The following PIGN variants were observed in gnomAD, a reference collection of about 807,000 sequenced individuals.
PIGN encodes GPI ethanolamine phosphate transferase 1.
Under a neutral mutation model 125.4 loss-of-function variants are expected in PIGN, and 117 were observed. The ratio of observed to expected loss-of-function variants is 0.93; its 90% confidence interval spans 0.80 to 1.09. The LOEUF (loss-of-function observed/expected upper bound fraction) is 1.09. Ranked by LOEUF, PIGN falls within the 50% of genes least tolerant of loss-of-function variation. PIGN has a pLI of 0.00. For missense variants in PIGN, 1,075 were observed against 1,094.9 expected (o/e 0.98, Z 0.26); for synonymous variants, 392 against 377.8 (o/e 1.04, Z -0.44).
intron 1 of PIGN, among the ~76,000 whole-genome samples, chr18:62,180,630 T>G (rs865822473): frequency 1.6e-4 from 25 of 152,294 alleles, no homozygotes; most frequent in African/African-American, 5.1e-4. Flanking sequence ...ATTGGCCAAT[T>G]GGGTCTCTCT....
Position 62,168,254 on chromosome 18 carries a change from A to T in PIGN, c.-235-4598T>A, listed in dbSNP as rs570201766. Among the ~76,000 whole-genome samples the T allele has an allele frequency of 2.0e-4, 31 of 152,264 alleles. 1 individual carries two copies. In the East Asian group the frequency reaches 2.3e-3, roughly 11 times the overall value. ...TTCTGGTTATTATATTTTATGTCCC[A>T]ACTATGGAATCATTGTAAGTAACCA... On this transcript the variant is annotated intron_variant, in intron 1 of 30. Transcript: ENST00000640252.
intron 7 of PIGN, chr18:62,154,206 G>A (rs1347147192): frequency 3.1e-6 from 1 of 322,292 alleles, no homozygotes; most frequent in African/African-American, 2.1e-5. Flanking sequence ...TTTCCCAAAG[G>A]CTTTCCTACA....
chr18:62,020,304 C>A (rs677101), intron 23 of PIGN, among the ~76,000 whole-genome samples: 36,028 of 152,110 alleles, frequency 0.24, 4,516 homozygotes, highest in Middle Eastern at 0.37. Context: ...TGCCGGGCAG[C>A]ACAAAATCCA....
intron 14 of PIGN, among the ~76,000 whole-genome samples, chr18:62,122,220 G>T (rs1283610920): frequency 6.6e-6 from 1 of 152,042 alleles, no homozygotes; most frequent in East Asian, 1.9e-4. Context: ...GTACAGAAAA[G>T]ATAACTATTT....
chr18:62,089,524 G>A (rs2033863803), intron 24 of PIGN, among the ~76,000 whole-genome samples: 1 of 152,038 alleles, frequency 6.6e-6, no homozygotes, highest in Admixed American at 6.6e-5. Context: ...TAAAAACATA[G>A]AATTTAAAAA....
At chr18:62,114,527 C>G in intron 15 of PIGN, 34 bp downstream of exon 15, 2 of 1,266,242 alleles carry the variant, frequency 1.6e-6, no homozygotes, top group Non-Finnish European at 2.3e-6. Context: ...AAATGATAAT[C>G]AGCTATTTAT....
intron 24 of PIGN, 135 bp from the exon 25 acceptor site, chr18:62,088,977 A>G (rs1158321899): frequency 8.5e-6 from 5 of 587,544 alleles, no homozygotes; most frequent in African/African-American, 1.9e-5. Context: ...ACAATAAACA[A>G]TAAACAATAA....
At chr18:62,161,899 T>C (rs2036965614) in intron 3 of PIGN, among the ~76,000 whole-genome samples, 1 of 148,904 alleles carries the variant, frequency 6.7e-6, no homozygotes, top group African/African-American at 2.5e-5. Context: ...ATTTTTTTTT[T>C]CTTCTTACTT....
chr18:62,112,536 T>C (rs942182872), intron 16 of PIGN: 3 of 152,186 alleles, frequency 2.0e-5, no homozygotes, highest in South Asian at 2.1e-4. Context: ...CAATATGAAG[T>C]ATCATTAAAG....
chr18:62,143,695 C>G (rs1727993475), intron 10 of PIGN, among the ~76,000 whole-genome samples: 1 of 152,096 alleles, frequency 6.6e-6, no homozygotes, highest in Non-Finnish European at 1.5e-5. Flanking sequence ...CAATCCTGTT[C>G]TAGAGAGTTA....
downstream of PIGN, among the ~76,000 whole-genome samples, chr18:62,037,520 C>T (rs1291485997): frequency 6.6e-6 from 1 of 152,236 alleles, no homozygotes; most frequent in East Asian, 1.9e-4. Flanking sequence ...AGCAGCACAA[C>T]CACTGCCTCT....
At chr18:62,094,727 T>C (rs920535717) in intron 23 of PIGN, among the ~76,000 whole-genome samples, 2 of 152,196 alleles carry the variant, frequency 1.3e-5, no homozygotes, top group Non-Finnish European at 2.9e-5. Flanking sequence ...AGGAAGCCTA[T>C]CTTATAATCT....
At position 62,148,269 on chromosome 18, in the gene PIGN, A is replaced by G; in HGVS notation, c.619T>C (p.Phe207Leu). 1 of 1,538,206 alleles carries G rather than the reference A, an allele frequency of 6.5e-7. No homozygotes were observed. Among genetic ancestry groups the G allele is most frequent in the African/African-American group, 1.4e-5 (1 of 72,768 alleles). Residue 207 changes from phenylalanine (F) to leucine (L), a missense_variant, in exon 8 of 31, where the codon TTC (phenylalanine) becomes CTC (leucine). This residue lies in a region of PIGN where 915 missense variants were observed against 908.7 expected (regional missense o/e 1.01). Transcript: ENST00000640252. Reference protein sequence around the residue: ...SKINEEKIVFFLHLLGIDTNG... With the variant: ...SKINEEKIVFLLHLLGIDTNG... ...GTATCTATTCCTAATAAATGTAAGA[A>G]AAAAACTATTTTCTCTTCATTTATT...
intron 14 of PIGN, among the ~76,000 whole-genome samples, chr18:62,128,685 G>C (rs2035623862): frequency 6.6e-6 from 1 of 152,190 alleles, no homozygotes; most frequent in Non-Finnish European, 1.5e-5. Context: ...CATTACAAAA[G>C]TGGGTTTTGA....
chr18:62,055,187 A>T (rs1397382939), intron 30 of PIGN, among the ~76,000 whole-genome samples: 2 of 152,180 alleles, frequency 1.3e-5, no homozygotes, highest in African/African-American at 4.8e-5. Flanking sequence ...GAGGGAAAAA[A>T]CTGTTCACAA....
chr18:62,037,867 A>G (rs149030932), downstream of PIGN, among the ~76,000 whole-genome samples: 21 of 152,296 alleles, frequency 1.4e-4, no homozygotes, highest in Admixed American at 3.3e-4. Context: ...CAATAACTCA[A>G]TTATGTGAGA....
intron 14 of PIGN, among the ~76,000 whole-genome samples, chr18:62,125,235 TATAA>T (rs1165811946): frequency 9.6e-5 from 14 of 145,536 alleles, no homozygotes; most frequent in African/African-American, 3.6e-4. Flanking sequence ...CATATGTGTA[TATAA>T]ATATACACGT....
intron 1 of PIGN, among the ~76,000 whole-genome samples, chr18:62,164,638 T>C (rs186113535): frequency 3.4e-4 from 51 of 152,194 alleles, no homozygotes; most frequent in African/African-American, 1.2e-3. Flanking sequence ...CCTCAACACA[T>C]GGGGATTACA....
intron 23 of PIGN, among the ~76,000 whole-genome samples, chr18:62,023,315 A>C (rs2030076682): frequency 6.6e-6 from 1 of 152,216 alleles, no homozygotes; most frequent in Non-Finnish European, 1.5e-5. Context: ...ATTTTATAAA[A>C]TCATACAATC....
Sources: allele counts gnomAD v4.1 joint callset (sites outside exome capture counted in the v4.1 genomes callset), GRCh38; gene constraint gnomAD v4.1.1; regional missense constraint gnomAD v4.1.1; transcripts MANE v1.5; gene names NCBI Gene and HGNC (gene_info 2026-07-23, HGNC 2026-07-21).